The following NELL1 variants were observed in gnomAD, a reference collection of about 807,000 sequenced individuals.
NELL1 encodes the protein neural EGFL like 1.
A neutral mutation model predicts 107.4 loss-of-function variants in NELL1; 76 were observed. The ratio of observed to expected loss-of-function variants is 0.71; its 90% CI spans 0.59 to 0.86. The LOEUF (loss-of-function observed/expected upper bound fraction) is 0.86. Among genes scored for constraint, NELL1 ranks in the 40% least tolerant of loss-of-function variants. NELL1 has a pLI of 0.00. For synonymous variants in NELL1, 353 were observed against 341.2 expected (o/e 1.03, Z -0.38); for missense variants, 1,024 against 1,005.5 (o/e 1.02, Z -0.25).
intron 13 of NELL1, among the ~76,000 whole-genome samples, chr11:21,182,538 G>C (rs1468140789): frequency 6.6e-6 from 1 of 151,430 alleles, no homozygotes; most frequent in African/African-American, 2.4e-5. Context: ...TTTTATAAGA[G>C]AGAATTTAAT....
chr11:21,445,394 T>G (rs1256558325), intron 15 of NELL1, among the ~76,000 whole-genome samples: 1 of 152,174 alleles, frequency 6.6e-6, no homozygotes, highest in African/African-American at 2.4e-5. Flanking sequence ...TAGCGTGATC[T>G]CGGCTCACCA....
chr11:20,689,601 C>A (rs373985169), intron 2 of NELL1, among the ~76,000 whole-genome samples: 3,276 of 147,980 alleles, frequency 0.022, 34 homozygotes, highest in Non-Finnish European at 0.035. Flanking sequence ...CATGTCCCCA[C>A]AAAGGACATG....
chr11:21,543,248 G>C (rs2133980753), intron 16 of NELL1, among the ~76,000 whole-genome samples: 1 of 152,154 alleles, frequency 6.6e-6, no homozygotes, highest in Admixed American at 6.6e-5. Flanking sequence ...TGTTTCCAAA[G>C]AGCTTTACAC....
At chr11:21,020,025 C>T (rs1157797819) in intron 12 of NELL1, among the ~76,000 whole-genome samples, 1 of 152,218 alleles carries the variant, frequency 6.6e-6, no homozygotes, top group Non-Finnish European at 1.5e-5. Flanking sequence ...CTGTCATTTA[C>T]TAGCTATGTG....
At chr11:21,461,701 G>C (rs945261861) in intron 15 of NELL1, among the ~76,000 whole-genome samples, 7 of 152,102 alleles carry the variant, frequency 4.6e-5, no homozygotes, top group African/African-American at 1.4e-4. Context: ...AAGGCACAGA[G>C]AGTTTAAGCA....
chr11:21,303,687 T>C (rs1292066110), intron 14 of NELL1, among the ~76,000 whole-genome samples: 1 of 152,086 alleles, frequency 6.6e-6, no homozygotes, highest in African/African-American at 2.4e-5. Flanking sequence ...GAAATCAATA[T>C]ACCAAAAAGA....
At chr11:21,232,167 T>TATATATATAA (rs1344219711) in intron 14 of NELL1, among the ~76,000 whole-genome samples, 1 of 86,374 alleles carries the variant, frequency 1.2e-5, no homozygotes, top group Non-Finnish European at 2.5e-5. Context: ...AAAATATATA[T>TATATATATAA]ATATATATAT....
intron 13 of NELL1, among the ~76,000 whole-genome samples, chr11:21,191,317 G>A (rs966490599): frequency 2.6e-5 from 4 of 151,744 alleles, no homozygotes. Context: ...TGAGAAGGAC[G>A]TGGCTCAATG....
At chr11:20,728,682 G>C (rs944741550) in intron 2 of NELL1, among the ~76,000 whole-genome samples, 3 of 150,808 alleles carry the variant, frequency 2.0e-5, no homozygotes, top group African/African-American at 7.3e-5. Flanking sequence ...GTCTGTTTTT[G>C]TACCAGTATC....
chr11:20,940,971 T>G, intron 10 of NELL1, among the ~76,000 whole-genome samples: 1 of 152,148 alleles, frequency 6.6e-6, no homozygotes, highest in Non-Finnish European at 1.5e-5. Flanking sequence ...AAACTCTGTC[T>G]CTCCCAAAAA....
At chr11:20,945,331 G>T (rs1004510312) in intron 10 of NELL1, among the ~76,000 whole-genome samples, 1 of 152,302 alleles carries the variant, frequency 6.6e-6, no homozygotes, top group Admixed American at 6.5e-5. Context: ...GTCTCTCTTC[G>T]AGGTAAAGAA....
At chr11:21,023,393 A>G (rs1473684914) in intron 12 of NELL1, among the ~76,000 whole-genome samples, 2 of 152,052 alleles carry the variant, frequency 1.3e-5, no homozygotes, top group Non-Finnish European at 2.9e-5. Context: ...CCACAGCTCT[A>G]TTATCTCTCC....
Position 21,276,429 on chromosome 11 carries a change from T to C in NELL1, c.1549+46975T>C, listed in dbSNP as rs970581012. 4.6e-5 allele frequency among the ~76,000 whole-genome samples: 7 copies of C among 152,344 alleles called. No homozygotes were observed. The East Asian group carries it at 1.2e-3, about 25-fold the overall frequency. ...AGAGAAATGGAAGAACATTCCATGC[T>C]CATTGGTAGGAAGAATCAATATCGT... On this transcript the variant is annotated intron_variant, in intron 14 of 19. Coordinates refer to ENST00000357134, the MANE Select transcript of NELL1 (RefSeq NM_006157.5).
intron 12 of NELL1, among the ~76,000 whole-genome samples, chr11:20,977,245 A>T (rs1182372004): frequency 6.6e-6 from 1 of 150,700 alleles, no homozygotes; most frequent in Non-Finnish European, 1.5e-5. Flanking sequence ...CATGTCCAAG[A>T]TTCAGGCAAA....
At chr11:21,258,548 G>A (rs1858826995) in intron 14 of NELL1, among the ~76,000 whole-genome samples, 1 of 151,894 alleles carries the variant, frequency 6.6e-6, no homozygotes, top group South Asian at 2.1e-4. Flanking sequence ...AGAAAGGCAG[G>A]CAGGAGAATT....
intron 13 of NELL1, among the ~76,000 whole-genome samples, chr11:21,211,951 G>A (rs890191374): frequency 3.9e-5 from 6 of 151,926 alleles, no homozygotes; most frequent in African/African-American, 1.2e-4. Context: ...TCAGCTTCCT[G>A]AGTAGCTGAG....
chr11:20,924,065 G>C (rs1399170369), intron 7 of NELL1, among the ~76,000 whole-genome samples: 1 of 152,200 alleles, frequency 6.6e-6, no homozygotes, highest in Admixed American at 6.5e-5. Context: ...ACAGAATAGA[G>C]ATGTAGATGT....
chr11:21,043,222 G>A (rs1029784286), intron 12 of NELL1, among the ~76,000 whole-genome samples: 1 of 152,134 alleles, frequency 6.6e-6, no homozygotes, highest in Admixed American at 6.6e-5. Flanking sequence ...CACCTACTAT[G>A]ACTGGGCCCA....
In NELL1 at chr11:21,109,248, A is replaced by G. The variant is rs571484836; in HGVS notation, c.1301-4341A>G. Among the ~76,000 whole-genome samples, 12 of 152,220 alleles carry G rather than the reference A, an allele frequency of 7.9e-5. No individual in the cohort carries two copies. The East Asian group carries it at 1.9e-3, about 25-fold the overall frequency. ...ATTTTTTGGGTATTTACCAATTGCC[A>G]GGGGCTGTTCCTAGTTTTCCTTTAT... On this transcript the variant is annotated intron_variant, in intron 12 of 19. Coordinates refer to ENST00000357134, the MANE Select transcript of NELL1 (RefSeq NM_006157.5).
Sources: gnomAD v4.1 joint callset for allele counts (sites outside exome capture counted in the v4.1 genomes callset) on GRCh38, gnomAD v4.1.1 for gene constraint, MANE v1.5 for transcripts, NCBI Gene and HGNC (gene_info 2026-07-23, HGNC 2026-07-21) for gene names.